Variants in ATP2B4 observed in about 807,000 individuals in gnomAD.
The protein encoded by ATP2B4 is plasma membrane calcium-transporting ATPase 4.
In ATP2B4, 39 loss-of-function variants were observed where a neutral mutation model predicts 110.3. The ratio of observed to expected loss-of-function variants is 0.35; its 90% CI spans 0.27 to 0.46. The LOEUF (loss-of-function observed/expected upper bound fraction) is 0.46. Among genes scored for constraint, ATP2B4 ranks in the 20% least tolerant of loss-of-function variants. The probability of loss-of-function intolerance (pLI) is 1.00; values close to 1 mark genes in which losing one functional copy is unlikely to be tolerated. For missense variants in ATP2B4, 1,135 were observed against 1,530.9 expected (o/e 0.74, Z 4.32); for synonymous variants, 538 against 571.7 (o/e 0.94, Z 0.84).
intron 20 of ATP2B4, chr1:203,728,089 G>C (rs902304664): frequency 1.5e-5 from 6 of 406,584 alleles, no homozygotes; most frequent in Non-Finnish European, 3.0e-5. Context: ...AAAGTGTAAG[G>C]CCATGGTGGG....
intron 3 of ATP2B4, among the ~76,000 whole-genome samples, chr1:203,698,897 A>G (rs1665611208): frequency 6.6e-6 from 1 of 151,992 alleles, no homozygotes; most frequent in African/African-American, 2.4e-5. Context: ...TTGGCCTCCT[A>G]AAGTGCTGGG....
intron 15 of ATP2B4, among the ~76,000 whole-genome samples, chr1:203,715,426 G>T (rs1468858420): frequency 7.2e-6 from 1 of 139,852 alleles, no homozygotes; most frequent in Non-Finnish European, 1.6e-5. Context: ...GATGGTAGGC[G>T]CCTGTAATCC....
intron 1 of ATP2B4, among the ~76,000 whole-genome samples, chr1:203,628,002 A>T (rs920540921): frequency 1.3e-5 from 2 of 152,182 alleles, no homozygotes; most frequent in African/African-American, 2.4e-5. Flanking sequence ...ACCGCCCCAC[A>T]CATCTCTGGT....
chr1:203,706,528 T>C (rs997586066), intron 8 of ATP2B4, among the ~76,000 whole-genome samples: 5 of 152,232 alleles, frequency 3.3e-5, no homozygotes, highest in Non-Finnish European at 5.9e-5. Flanking sequence ...CATAGAGGCA[T>C]TGTTGTAAAC....
In ATP2B4 at chr1:203,720,760, G is replaced by A. The variant is rs1187985706; in HGVS notation, c.2598+20G>A. The A allele has an allele frequency of 6.2e-7, 1 of 1,600,594 alleles. No homozygotes were observed. The highest frequency in any genetic ancestry group is 8.5e-7 in the Non-Finnish European group (1 of 1,172,574). ...ACTCAGGTGAAGGGGGTGTGGGTGG[G>A]CTGAGACGGGAGGGATGAGTCAGGG... is the stretch of plus-strand genomic sequence containing the variant. On this transcript the variant is annotated intron_variant, in intron 16 of 20. Transcript: ENST00000357681.
Position 203,722,708 on chromosome 1 carries a change from T to C in ATP2B4, c.3024+19T>C, listed in dbSNP as rs1385406479. The C allele has an allele frequency of 3.7e-6, 6 of 1,611,656 alleles. No homozygotes were observed. The Admixed American group carries it at 1.0e-4, about 27-fold the overall frequency. ...CTGCCAGGTGAGATTCTATCTGCAG[T>C]TGGGGCAGGAGATCTGGAATGATAA... On this transcript the variant is annotated intron_variant, in intron 18 of 20. Coordinates refer to ENST00000357681, the MANE Select transcript of ATP2B4 (RefSeq NM_001684.5).
rs1663211982 is a variant in ATP2B4, at chr1:203,629,910, G to A, written c.-465+2691G>A. Among the ~76,000 whole-genome samples, 2 of 152,130 alleles carry A rather than the reference G, an allele frequency of 1.3e-5. No individual in the cohort carries two copies. The highest frequency in any genetic ancestry group is 1.5e-5 in the Non-Finnish European group (1 of 68,026). The stretch of plus-strand genomic sequence containing the variant: ...TCAAGGCATGTTGAGAGAAGCACGG[G>A]CAGTTTGGGGGCCTTGGAATCAGCC... On this transcript the variant is annotated intron_variant, in intron 1 of 20. Coordinates refer to ENST00000357681, the MANE Select transcript of ATP2B4 (RefSeq NM_001684.5). The surrounding 1 kb of genome is among the most constrained non-coding windows in gnomAD (Gnocchi z 4.6).
chr1:203,718,605 T>C lies in ATP2B4; in HGVS notation c.2407-1944T>C, dbSNP rs188553128. ...ATGAGCCACCACACCCAGCTTCTAATTGTATTTAACTTCCCTGATTTTATG... is the reference window on the plus strand; with the variant it reads ...ATGAGCCACCACACCCAGCTTCTAACTGTATTTAACTTCCCTGATTTTATG... On this transcript the variant is annotated intron_variant, in intron 15 of 20. Transcript: ENST00000357681. Among the ~76,000 whole-genome samples, 4 of 152,272 alleles carry C rather than the reference T, an allele frequency of 2.6e-5. 1 individual carries two copies. In the East Asian group the frequency reaches 7.7e-4, roughly 29 times the overall value.
intron 20 of ATP2B4, among the ~76,000 whole-genome samples, chr1:203,736,946 G>A (rs993260775): frequency 4.6e-5 from 7 of 152,174 alleles, no homozygotes; most frequent in African/African-American, 1.7e-4. Flanking sequence ...GCCAGCTGGT[G>A]CTCCCTAGCT....
intron 1 of ATP2B4, among the ~76,000 whole-genome samples, chr1:203,653,452 G>A (rs1664057654): frequency 6.6e-6 from 1 of 152,192 alleles, no homozygotes; most frequent in African/African-American, 2.4e-5. Context: ...TTTTAATGTA[G>A]GCAAAACAGT....
intron 12 of ATP2B4, among the ~76,000 whole-genome samples, chr1:203,711,339 G>C (rs1666003653): frequency 6.6e-6 from 1 of 152,112 alleles, no homozygotes; most frequent in Non-Finnish European, 1.5e-5. Flanking sequence ...CTCATTATTT[G>C]GTACTTAAGT....
chr1:203,719,981 A>G (rs1212586440), intron 15 of ATP2B4, among the ~76,000 whole-genome samples: 2 of 152,154 alleles, frequency 1.3e-5, no homozygotes, highest in African/African-American at 2.4e-5. Context: ...CCAAGGTGGG[A>G]GGATCATTGG....
intron 1 of ATP2B4, among the ~76,000 whole-genome samples, chr1:203,675,054 A>G (rs1393210815): frequency 6.6e-6 from 1 of 152,142 alleles, no homozygotes; most frequent in East Asian, 1.9e-4. Flanking sequence ...GCCAGTGGCC[A>G]GGGGTCAGGG....
chr1:203,698,201 T>A lies in ATP2B4; in HGVS notation c.238T>A (p.Phe80Ile). The change falls in exon 3 of 21, where the codon TTT (phenylalanine) becomes ATT (isoleucine). Residue 80 changes from phenylalanine to isoleucine, a missense_variant. Transcript: ENST00000357681. ...PADLEKRRQV[F>I]GHNVIPPKKP... ...AGATCTGGAGAAACGTAGGCAGGTG[T>A]TTGGACACAACGTGATCCCCCCCAA... 6.2e-7 allele frequency: 1 copy of A among 1,614,216 alleles called. No homozygotes were observed. Among genetic ancestry groups the A allele is most frequent in the Non-Finnish European group, 8.5e-7 (1 of 1,180,030 alleles).
At chr1:203,673,561 GA>G (rs767401872) in intron 1 of ATP2B4, among the ~76,000 whole-genome samples, 6 of 152,246 alleles carry the variant, frequency 3.9e-5, no homozygotes, top group Admixed American at 6.5e-5. Flanking sequence ...TAAGCCCAGA[GA>G]AGGCTGGAAT....
intron 20 of ATP2B4, among the ~76,000 whole-genome samples, chr1:203,734,565 G>A (rs1666827429): frequency 6.6e-6 from 1 of 151,636 alleles, no homozygotes; most frequent in Non-Finnish European, 1.5e-5. Context: ...AATTAGCCGG[G>A]CAATATGGTG....
intron 8 of ATP2B4, among the ~76,000 whole-genome samples, chr1:203,705,815 G>A (rs1665832702): frequency 6.6e-6 from 1 of 152,158 alleles, no homozygotes; most frequent in Non-Finnish European, 1.5e-5. Context: ...CAGGAATAGG[G>A]TGAGGCAAGT....
At chr1:203,645,037 T>C (rs945903479) in intron 1 of ATP2B4, among the ~76,000 whole-genome samples, 3 of 152,176 alleles carry the variant, frequency 2.0e-5, no homozygotes, top group Non-Finnish European at 2.9e-5. Flanking sequence ...ACAAAACAGG[T>C]CAGGCTATTG....
intron 19 of ATP2B4, among the ~76,000 whole-genome samples, chr1:203,725,438 C>T (rs941048182): frequency 1.3e-5 from 2 of 152,130 alleles, no homozygotes; most frequent in Admixed American, 6.5e-5. Flanking sequence ...CCTGAGCCAC[C>T]GTGCCCAGCC....
Sources: gnomAD v4.1 joint callset for allele counts (sites outside exome capture counted in the v4.1 genomes callset) on GRCh38, gnomAD v4.1.1 for gene constraint, Gnocchi (gnomAD v3.1) non-coding constraint, MANE v1.5 for transcripts, NCBI Gene and HGNC (gene_info 2026-07-23, HGNC 2026-07-21) for gene names.